Variants in KIF3C observed in about 807,000 individuals in gnomAD.
KIF3C encodes the protein kinesin-like protein KIF3C.
A neutral mutation model predicts 67.7 loss-of-function variants in KIF3C; 12 were observed. The observed-to-expected ratio is 0.18, with a 90% CI of 0.11 to 0.29. The LOEUF (loss-of-function observed/expected upper bound fraction) is 0.29, where lower values mean the gene tolerates loss of function less well. Ranked by LOEUF, KIF3C falls within the 10% of genes least tolerant of loss-of-function variation. The pLI is 1.00. For missense variants in KIF3C, 789 were observed against 1,059.6 expected, an observed-to-expected ratio of 0.74 and a Z score of 3.55; for synonymous variants, 393 against 426.2, an observed-to-expected ratio of 0.92 and a Z score of 0.96.
chr2:25,962,850 A>AAAATAT (rs1553715888), intron 1 of KIF3C, among the ~76,000 whole-genome samples: 1 of 55,622 alleles, frequency 1.8e-5, no homozygotes, highest in African/African-American at 1.0e-4. Context: ...TATAATATAT[A>AAAATAT]ATATAATATA....
At chr2:25,954,097 A>G in intron 4 of KIF3C, 170 bp downstream of exon 4, 1 of 657,080 alleles carries the variant, frequency 1.5e-6, no homozygotes, top group Non-Finnish European at 2.7e-6. Flanking sequence ...CAGGCAGAGG[A>G]GGTAGAAGAA....
chr2:25,972,247 A>G (rs1206318686), intron 1 of KIF3C, among the ~76,000 whole-genome samples: 1 of 152,078 alleles, frequency 6.6e-6, no homozygotes, highest in Non-Finnish European at 1.5e-5. Flanking sequence ...GGGCAGTATG[A>G]TAATACCCTC....
intron 5 of KIF3C, among the ~76,000 whole-genome samples, chr2:25,933,362 G>A (rs1268659944): frequency 6.6e-6 from 1 of 151,772 alleles, no homozygotes; most frequent in Non-Finnish European, 1.5e-5. Context: ...AGTCATATAG[G>A]GAAATCTAAA....
At chr2:25,950,271 G>A (rs771366679) in intron 5 of KIF3C, among the ~76,000 whole-genome samples, 27 of 149,252 alleles carry the variant, frequency 1.8e-4, no homozygotes, top group Admixed American at 4.0e-4. Context: ...AGGCTGGAGC[G>A]CAATGGAGTG....
At chr2:25,929,269 G>A in intron 7 of KIF3C, 36 bp downstream of exon 7, 1 of 1,596,562 alleles carries the variant, frequency 6.3e-7, no homozygotes, top group South Asian at 1.1e-5. Flanking sequence ...CCTGCCTCCT[G>A]GGTCCAGTGC....
rs1370499173 is a variant in KIF3C, at chr2:25,980,600, T to C, written c.1318A>G (p.Asn440Asp). Residue 440 changes from asparagine (N) to aspartate (D), a missense_variant, in exon 1 of 8, where the codon AAC becomes GAC. Coordinates refer to ENST00000264712, the MANE Select transcript of KIF3C (RefSeq NM_002254.8). This position sits in a 1 kb window ranked among gnomAD's most constrained non-coding sequence, Gnocchi z 7.6. ...ATGGGCTGGGGCGGGCGGTGGTTGT[T>C]GTTGTTGTCATCCTCCTCTTCTGCC... ...WVAEEEDDNN[N>D]NHRPPQPILE... 1 of 1,613,880 alleles carries C rather than the reference T, an allele frequency of 6.2e-7. No homozygotes were observed. The highest frequency in any genetic ancestry group is 8.5e-7 in the Non-Finnish European group (1 of 1,179,968).
At position 25,980,563 on chromosome 2, in the gene KIF3C, G is replaced by A. The variant is rs535273524; in HGVS notation, c.1355C>T (p.Ala452Val). Residue 452 changes from alanine (A) to valine (V), a missense_variant, in exon 1 of 8, where the codon GCC becomes GTC. This residue lies in a region of KIF3C where 648 missense variants were observed against 807.8 expected (regional missense o/e 0.80). Coordinates refer to ENST00000264712, the MANE Select transcript of KIF3C (RefSeq NM_002254.8). This position sits in a 1 kb window ranked among gnomAD's most constrained non-coding sequence, Gnocchi z 7.6. ...GTAATTCTCCATGTTCTTCTCCAAG[G>A]CTGACTCCAGGATGGGCTGGGGCGG... ...HRPPQPILES[A>V]LEKNMENYLQ... is the part of the protein sequence containing the mutation. 1 of 1,614,096 alleles carries A rather than the reference G, an allele frequency of 6.2e-7. No individual in the cohort carries two copies. Among genetic ancestry groups the A allele is most frequent in the African/African-American group, 1.3e-5 (1 of 75,020 alleles).
chr2:25,946,538 A>G (rs1663440968), intron 5 of KIF3C, among the ~76,000 whole-genome samples: 1 of 152,130 alleles, frequency 6.6e-6, no homozygotes, highest in Non-Finnish European at 1.5e-5. Flanking sequence ...AAATACAAAA[A>G]TTAGCTGGGC....
chr2:25,968,977 C>T (rs1664211382), intron 1 of KIF3C, among the ~76,000 whole-genome samples: 1 of 152,144 alleles, frequency 6.6e-6, no homozygotes, highest in Admixed American at 6.5e-5. Flanking sequence ...GCGTGTGCCA[C>T]CACACCCAGC....
In KIF3C at chr2:25,951,884, G is replaced by A. The variant is rs865849760; in HGVS notation, c.1911C>T (p.Phe637=). ...TCTTGTTCTTCTCCTCCGGCGGGAT[G>A]AAGTTCTCGATGATTAGGTACCTGG... ...LKLKYLIIEN[F]IPPEEKNKIM... Residue 637 remains phenylalanine (F), a synonymous_variant, in exon 5 of 8, where the codon TTC becomes TTT. Coordinates refer to ENST00000264712, the MANE Select transcript of KIF3C (RefSeq NM_002254.8). The A allele has an allele frequency of 1.2e-6, 2 of 1,613,520 alleles. No homozygotes were observed. The highest frequency in any genetic ancestry group is 1.7e-6 in the Non-Finnish European group (2 of 1,179,590).
rs889018513 is a variant in KIF3C at position 25,927,921 on chromosome 2, T to G, written c.*1057A>C. 2.6e-5 allele frequency: 4 copies of G among 152,542 alleles called. No individual in the cohort carries two copies. In the Admixed American group the frequency reaches 2.6e-4, roughly 10 times the overall value. 9.4% of individuals were successfully genotyped at this position (152,542 alleles called of 1,614,324 possible). On this transcript the variant is annotated 3_prime_UTR_variant, in exon 8 of 8. Coordinates refer to ENST00000264712, the MANE Select transcript of KIF3C (RefSeq NM_002254.8). ...GATCTATTTTCAACAAAATAATACC[T>G]TAAAGATGCAATTCAGAAACAGGGG...
At chr2:25,937,958 G>A (rs1229265292) in intron 5 of KIF3C, among the ~76,000 whole-genome samples, 1 of 151,984 alleles carries the variant, frequency 6.6e-6, no homozygotes, top group Non-Finnish European at 1.5e-5. Flanking sequence ...AGGATGCTGA[G>A]GTGAGAGAAT....
chr2:25,953,815 G>A (rs915857363), intron 4 of KIF3C, among the ~76,000 whole-genome samples: 24 of 151,568 alleles, frequency 1.6e-4, no homozygotes, highest in African/African-American at 4.6e-4. Flanking sequence ...TTACAAGTGC[G>A]CGCCACCATG....
chr2:25,948,993 A>G (rs1290746355), intron 5 of KIF3C, among the ~76,000 whole-genome samples: 1 of 152,140 alleles, frequency 6.6e-6, no homozygotes, highest in Non-Finnish European at 1.5e-5. Context: ...GAAATGCATG[A>G]CTGCAGGTGG....
Position 25,981,906 on chromosome 2 carries a change from C to G in KIF3C, c.12G>C (p.Lys4Asn). MAS[K>N]TKASEALKVV... ...CCTTGAGGGCCTCGCTGGCCTTGGT[C>G]TTACTGGCCATCTTGCTGCTCTGAC... Residue 4 changes from lysine (K) to asparagine (N), a missense_variant, in exon 1 of 8, where the codon AAG becomes AAC. Around this residue, in one of 2 missense-constraint regions of KIF3C, gnomAD observed 141 missense variants for 251.8 expected, o/e 0.56. Coordinates refer to ENST00000264712, the MANE Select transcript of KIF3C (RefSeq NM_002254.8). This position sits in a 1 kb window ranked among gnomAD's most constrained non-coding sequence, Gnocchi z 8.2. 6 of 1,552,210 alleles carry G rather than the reference C, an allele frequency of 3.9e-6. No homozygotes were observed. Among genetic ancestry groups the G allele is most frequent in the Non-Finnish European group, 5.2e-6 (6 of 1,151,996 alleles).
intron 5 of KIF3C, among the ~76,000 whole-genome samples, chr2:25,936,929 G>A (rs1663146045): frequency 1.3e-5 from 2 of 152,224 alleles, no homozygotes; most frequent in Non-Finnish European, 2.9e-5. Flanking sequence ...GAGTAAGGCA[G>A]ACCTGGGTTT....
Position 25,981,929 on chromosome 2 carries a change from G to T in KIF3C, c.-12C>A. The T allele has an allele frequency of 6.6e-7, 1 of 1,524,894 alleles. No individual in the cohort carries two copies. Among genetic ancestry groups the T allele is most frequent in the Non-Finnish European group, 8.8e-7 (1 of 1,140,716 alleles). The allele number at this position is 1,524,894 out of a possible 1,614,324, so 94.5% of individuals were successfully genotyped here. A position where few individuals can be genotyped will look rare whatever the true frequency, so the allele number is the denominator to read the frequency against. ...GTCTTACTGGCCATCTTGCTGCTCT[G>T]ACCTTCCTGCCCCCGAGCCCCTCCG... On this transcript the variant is annotated 5_prime_UTR_variant, in exon 1 of 8. Transcript: ENST00000264712. The surrounding 1 kb of genome is among the most constrained non-coding windows in gnomAD (Gnocchi z 8.2).
chr2:25,947,195 A>T (rs752828565), intron 5 of KIF3C, among the ~76,000 whole-genome samples: 5 of 152,114 alleles, frequency 3.3e-5, no homozygotes, highest in Non-Finnish European at 5.9e-5. Context: ...TTAAAGCAGA[A>T]GATCAGGGTA....
intron 5 of KIF3C, among the ~76,000 whole-genome samples, chr2:25,935,127 C>G (rs2149222833): frequency 6.6e-6 from 1 of 152,002 alleles, no homozygotes; most frequent in East Asian, 1.9e-4. Context: ...ACCTGTAGTC[C>G]CAGCTACTTG....
Sources: gnomAD v4.1 joint callset for allele counts (sites outside exome capture counted in the v4.1 genomes callset) on GRCh38, gnomAD v4.1.1 for gene constraint, gnomAD v4.1.1 regional missense constraint, Gnocchi (gnomAD v3.1) non-coding constraint, MANE v1.5 for transcripts, NCBI Gene and HGNC (gene_info 2026-07-23, HGNC 2026-07-21) for gene names.